Variants in OR1J2 observed in about 807,000 individuals in gnomAD.
OR1J2 encodes olfactory receptor family 1 subfamily J member 2.
For missense variants in OR1J2, 304 were observed against 246.1 expected (o/e 1.24, Z -1.57); for synonymous variants, 142 against 99.7 (o/e 1.42, Z -2.52).
chr9:122,511,625 C>T lies in OR1J2; in HGVS notation c.824C>T (p.Ala275Val), dbSNP rs75986214. 55 of 781,026 alleles carry T rather than the reference C, an allele frequency of 7.0e-5. No individual in the cohort carries two copies. The East Asian group carries it at 1.2e-3, about 17-fold the overall frequency. The allele number at this position is 781,026 out of a possible 1,614,324, so 48.4% of individuals were successfully genotyped here. The change falls in exon 1 of 1, where the codon GCT becomes GTT. Residue 275 changes from alanine (A) to valine (V), a missense_variant. By Grantham distance (64) the Ala-to-Val change is moderately conservative (BLOSUM62 0). Coordinates refer to ENST00000335302, the MANE Select transcript of OR1J2 (RefSeq NM_054107.1). ...SSSIDKDVIVALMYTVVTPML... is the reference protein window; with the variant it reads ...SSSIDKDVIVVLMYTVVTPML... ...TCTATTGACAAGGATGTCATTGTGG[C>T]TCTCATGTACACGGTGGTCACACCC...
the OR1J2 span, among the ~76,000 whole-genome samples, chr9:122,548,602 T>TA: frequency 6.6e-6 from 1 of 151,918 alleles, no homozygotes; most frequent in Non-Finnish European, 1.5e-5. Context: ...TATATATATA[T>TA]TTTTATTATA....
At chr9:122,527,037 C>T in the OR1J2 span, 34 of 1,614,116 alleles carry the variant, frequency 2.1e-5, no homozygotes, top group African/African-American at 1.7e-4. Context: ...GGTGTGATGC[C>T]GAGTCTGTAT....
At chr9:122,573,681 C>T in the OR1J2 span, among the ~76,000 whole-genome samples, 2 of 152,120 alleles carry the variant, frequency 1.3e-5, no homozygotes, top group Non-Finnish European at 2.9e-5. Context: ...TATTTTCTCC[C>T]AGTATGTGGC....
At chr9:122,473,608 C>T in the OR1J2 span, among the ~76,000 whole-genome samples, 3 of 152,142 alleles carry the variant, frequency 2.0e-5, no homozygotes, top group Non-Finnish European at 4.4e-5. Flanking sequence ...TATTTAGACA[C>T]TTGGACAACA....
chr9:122,551,727 C>T, the OR1J2 span, among the ~76,000 whole-genome samples: 1 of 152,050 alleles, frequency 6.6e-6, no homozygotes, highest in East Asian at 1.9e-4. Flanking sequence ...GGCTGGAGAA[C>T]AGGCTGCACA....
the OR1J2 span, among the ~76,000 whole-genome samples, chr9:122,502,770 C>T: frequency 8.3e-4 from 125 of 151,240 alleles, 1 homozygote; most frequent in Non-Finnish European, 1.2e-3. Context: ...TACTGTGTTT[C>T]CTGGTAGGAG....
chr9:122,501,162 T>A, the OR1J2 span, among the ~76,000 whole-genome samples: 1 of 152,202 alleles, frequency 6.6e-6, no homozygotes, highest in East Asian at 1.9e-4. Flanking sequence ...TTAAAAATAT[T>A]TGTCTGCCAT....
At chr9:122,458,552 G>A in the OR1J2 span, among the ~76,000 whole-genome samples, 163 of 152,354 alleles carry the variant, frequency 1.1e-3, no homozygotes, top group African/African-American at 3.7e-3. Flanking sequence ...CACGTTGTAC[G>A]TGGCAGCAGG....
the OR1J2 span, among the ~76,000 whole-genome samples, chr9:122,532,310 C>G: frequency 7.2e-5 from 11 of 152,154 alleles, no homozygotes; most frequent in East Asian, 1.9e-4. Context: ...GAGGTTCTAA[C>G]AGGCGGGCTA....
chr9:122,554,108 C>T, the OR1J2 span: 1 of 1,613,636 alleles, frequency 6.2e-7, no homozygotes. Context: ...GGAACAGAGA[C>T]ATGAAGGAGG....
chr9:122,524,266 A>G, the OR1J2 span, among the ~76,000 whole-genome samples: 1 of 152,366 alleles, frequency 6.6e-6, no homozygotes, highest in South Asian at 2.1e-4. Flanking sequence ...TTAGCTGTAT[A>G]GTAGGCCATC....
At chr9:122,575,121 G>A in the OR1J2 span, among the ~76,000 whole-genome samples, 2 of 152,044 alleles carry the variant, frequency 1.3e-5, no homozygotes, top group Admixed American at 6.6e-5. Flanking sequence ...TTAGAGTTAT[G>A]CATGTATGTT....
chr9:122,483,684 T>C, the OR1J2 span, among the ~76,000 whole-genome samples: 7 of 152,360 alleles, frequency 4.6e-5, no homozygotes, highest in East Asian at 1.3e-3. Context: ...GCTGTGCTGA[T>C]AACATTCTGT....
In OR1J2 at chr9:122,511,277, A is replaced by G. The variant is rs955071031; in HGVS notation, c.476A>G (p.His159Arg). The change falls in exon 1 of 1, where the codon CAC becomes CGC. Residue 159 changes from histidine (H) to arginine (R), a missense_variant. Transcript: ENST00000335302. ...CTGTCTTGTGCCAGCTCCCTCTCTC[A>G]CACCCTTCTCCTGACCCGGCTGTCT... Reference protein sequence around the residue: ...WILSCASSLSHTLLLTRLSFC... With the variant: ...WILSCASSLSRTLLLTRLSFC... The G allele has an allele frequency of 2.1e-5, 16 of 748,194 alleles. No homozygotes were observed. Among genetic ancestry groups the G allele is most frequent in the Admixed American group, 1.9e-4 (10 of 53,766 alleles). 46.3% of individuals were successfully genotyped at this position (748,194 alleles called of 1,614,324 possible).
At chr9:122,530,680 G>A in the OR1J2 span, among the ~76,000 whole-genome samples, 1 of 152,184 alleles carries the variant, frequency 6.6e-6, no homozygotes. Flanking sequence ...TCACCTGGGT[G>A]CAGGCGGGCT....
At chr9:122,457,304 T>TG in the OR1J2 span, among the ~76,000 whole-genome samples, 1 of 151,898 alleles carries the variant, frequency 6.6e-6, no homozygotes, top group Non-Finnish European at 1.5e-5. Flanking sequence ...GATTGATAGG[T>TG]GCAACAAACC....
At chr9:122,453,348 C>G in the OR1J2 span, among the ~76,000 whole-genome samples, 1 of 152,166 alleles carries the variant, frequency 6.6e-6, no homozygotes, top group Non-Finnish European at 1.5e-5. Flanking sequence ...AGAGAACTCC[C>G]CCTAGTGACC....
the OR1J2 span, among the ~76,000 whole-genome samples, chr9:122,490,467 A>G: frequency 1.3e-5 from 2 of 152,148 alleles, no homozygotes; most frequent in Non-Finnish European, 2.9e-5. Context: ...CCTTAAAGGT[A>G]TTTTGTGTGT....
the OR1J2 span, among the ~76,000 whole-genome samples, chr9:122,489,114 C>G: frequency 5.3e-5 from 8 of 150,576 alleles, no homozygotes; most frequent in Admixed American, 2.0e-4. Context: ...ATGAGATCGA[C>G]AAAACCGTCC....
Sources: gnomAD v4.1 joint callset for allele counts (sites outside exome capture counted in the v4.1 genomes callset) on GRCh38, gnomAD v4.1.1 for gene constraint, MANE v1.5 for transcripts, NCBI Gene and HGNC (gene_info 2026-07-23, HGNC 2026-07-21) for gene names.